Variants in KCNIP1 observed in about 807,000 individuals in gnomAD.
KCNIP1 encodes A-type potassium channel modulatory protein KCNIP1.
Under a neutral mutation model 33.0 loss-of-function variants are expected in KCNIP1, and 18 were observed. The observed-to-expected ratio is 0.55, with a 90% confidence interval of 0.38 to 0.81. The LOEUF (loss-of-function observed/expected upper bound fraction) is 0.81. Among genes scored for constraint, KCNIP1 ranks in the 30% least tolerant of loss-of-function variants. KCNIP1 has a pLI of 0.00. For synonymous variants in KCNIP1, 93 were observed against 98.3 expected (o/e 0.95, Z 0.32); for missense variants, 238 against 271.6 (o/e 0.88, Z 0.87).
At chr5:170,379,213 G>A (rs143794930) in intron 1 of KCNIP1, among the ~76,000 whole-genome samples, 6 of 152,234 alleles carry the variant, frequency 3.9e-5, no homozygotes, top group Non-Finnish European at 8.8e-5. Context: ...ACACCTGGGC[G>A]CAGGTCCTAC....
chr5:170,380,131 T>C lies in KCNIP1; in HGVS notation c.88+26167T>C, dbSNP rs1764181736. Among the ~76,000 whole-genome samples the C allele has an allele frequency of 2.0e-5, 3 of 152,354 alleles. No homozygotes were observed. The South Asian group carries it at 6.2e-4, about 32-fold the overall frequency. The stretch of plus-strand genomic sequence containing the variant: ...GCAGAGCATGACACACATTTAATTC[T>C]GACGTTGATTATTGTTATTAGGAAC... On this transcript the variant is annotated intron_variant, in intron 1 of 7. Transcript: ENST00000377360.
chr5:170,532,162 C>G (rs1452091620), intron 1 of KCNIP1, among the ~76,000 whole-genome samples: 1 of 152,214 alleles, frequency 6.6e-6, no homozygotes, highest in Non-Finnish European at 1.5e-5. Context: ...TCAAACTTTT[C>G]ATTTGCTCAA....
chr5:170,462,003 T>C (rs4867967), intron 1 of KCNIP1, among the ~76,000 whole-genome samples: 18,464 of 152,148 alleles, frequency 0.12, 1,423 homozygotes, highest in South Asian at 0.27. Context: ...CCTGAAACTA[T>C]AAAAATTCTA....
intron 1 of KCNIP1, among the ~76,000 whole-genome samples, chr5:170,675,485 G>A (rs1762097435): frequency 6.6e-6 from 1 of 152,050 alleles, no homozygotes; most frequent in African/African-American, 2.4e-5. Context: ...GCCGGGCATG[G>A]TGGCACGCAC....
At chr5:170,577,385 G>A (rs975782809) in intron 1 of KCNIP1, among the ~76,000 whole-genome samples, 3 of 152,188 alleles carry the variant, frequency 2.0e-5, no homozygotes, top group African/African-American at 4.8e-5. Flanking sequence ...GCTATGTGGC[G>A]AACATCTGTT....
At chr5:170,637,618 A>G (rs928529445) in intron 1 of KCNIP1, among the ~76,000 whole-genome samples, 4 of 151,766 alleles carry the variant, frequency 2.6e-5, no homozygotes. Context: ...GGCTGTTCCC[A>G]CTGCCTGGAG....
At chr5:170,664,199 C>A (rs772065122) in intron 1 of KCNIP1, among the ~76,000 whole-genome samples, 24 of 152,168 alleles carry the variant, frequency 1.6e-4, no homozygotes, top group Non-Finnish European at 2.1e-4. Context: ...GCACCCCCAT[C>A]CACTCTTGCA....
At chr5:170,628,930 T>C (rs2113664866) in intron 1 of KCNIP1, among the ~76,000 whole-genome samples, 1 of 152,308 alleles carries the variant, frequency 6.6e-6, no homozygotes, top group Middle Eastern at 3.4e-3. Flanking sequence ...CATCCAGGCC[T>C]GCAGTCTGCA....
At chr5:170,472,397 C>T (rs1756752470) in intron 1 of KCNIP1, among the ~76,000 whole-genome samples, 1 of 152,140 alleles carries the variant, frequency 6.6e-6, no homozygotes, top group African/African-American at 2.4e-5. Context: ...AATTGGGGGT[C>T]TCTGATGATC....
intron 1 of KCNIP1, among the ~76,000 whole-genome samples, chr5:170,598,499 C>T (rs890530162): frequency 3.9e-5 from 6 of 152,206 alleles, no homozygotes; most frequent in Admixed American, 1.3e-4. Flanking sequence ...CTGTGTGCCC[C>T]GGACAAGGTA....
At chr5:170,453,441 G>C (rs975902727) in intron 1 of KCNIP1, among the ~76,000 whole-genome samples, 8 of 152,136 alleles carry the variant, frequency 5.3e-5, no homozygotes, top group African/African-American at 9.7e-5. Flanking sequence ...TCATTTAGCG[G>C]GGTACCACAT....
At chr5:170,637,901 G>A (rs1760352872) in intron 1 of KCNIP1, among the ~76,000 whole-genome samples, 1 of 152,088 alleles carries the variant, frequency 6.6e-6, no homozygotes, top group African/African-American at 2.4e-5. Context: ...GAGGCATGCA[G>A]TCGATATTTG....
intron 1 of KCNIP1, among the ~76,000 whole-genome samples, chr5:170,717,516 C>T (rs1017402196): frequency 6.6e-5 from 10 of 152,140 alleles, no homozygotes; most frequent in Admixed American, 2.6e-4. Context: ...GAATTGTTAC[C>T]AAGTTACGGG....
chr5:170,395,279 G>A lies in KCNIP1; in HGVS notation c.88+41315G>A, dbSNP rs1308490680. Among the ~76,000 whole-genome samples the A allele has an allele frequency of 3.3e-5, 5 of 152,172 alleles. No homozygotes were observed. The South Asian group carries it at 8.3e-4, about 25-fold the overall frequency. On this transcript the variant is annotated intron_variant, in intron 1 of 7. Transcript: ENST00000377360. ...GCATCTGTTATTTTTTTACTTTTTA[G>A]TAATAGCTATTCTGACTGGTACGAG...
intron 1 of KCNIP1, among the ~76,000 whole-genome samples, chr5:170,562,649 G>T (rs868868958): frequency 1.2e-4 from 19 of 152,126 alleles, no homozygotes; most frequent in African/African-American, 4.6e-4. Flanking sequence ...CCTGCACGCC[G>T]TCTCTCAGTC....
At chr5:170,497,084 G>C (rs1159570308) in intron 1 of KCNIP1, among the ~76,000 whole-genome samples, 1 of 152,092 alleles carries the variant, frequency 6.6e-6, no homozygotes, top group Non-Finnish European at 1.5e-5. Flanking sequence ...CTAATGCAGG[G>C]AGCATCAACC....
At chr5:170,427,621 G>A (rs771002977) in intron 1 of KCNIP1, among the ~76,000 whole-genome samples, 1 of 152,132 alleles carries the variant, frequency 6.6e-6, no homozygotes, top group Non-Finnish European at 1.5e-5. Context: ...AAACAGGGAC[G>A]TGACCAGTCT....
chr5:170,360,711 A>C (rs1316525542), intron 1 of KCNIP1, among the ~76,000 whole-genome samples: 3 of 152,270 alleles, frequency 2.0e-5, no homozygotes, highest in East Asian at 1.9e-4. Flanking sequence ...CTTTTTATTT[A>C]GTTGTTCATG....
intron 1 of KCNIP1, among the ~76,000 whole-genome samples, chr5:170,588,621 G>A (rs1227298519): frequency 6.6e-6 from 1 of 152,188 alleles, no homozygotes; most frequent in Admixed American, 6.5e-5. Context: ...AAATCCTTCA[G>A]CTTCCTGAAG....
Sources: allele counts gnomAD v4.1 joint callset (sites outside exome capture counted in the v4.1 genomes callset), GRCh38; gene constraint gnomAD v4.1.1; transcripts MANE v1.5; gene names NCBI Gene and HGNC (gene_info 2026-07-23, HGNC 2026-07-21).